UMOD: variants seen among roughly 807,000 people sequenced by gnomAD.
UMOD encodes the protein Tamm-Horsfall urinary glycoprotein.
In UMOD, 64 loss-of-function variants were observed where a neutral mutation model predicts 66.0. The ratio of observed to expected loss-of-function variants is 0.97; its 90% CI spans 0.79 to 1.19. The LOEUF (loss-of-function observed/expected upper bound fraction) is 1.19, where lower values mean the gene tolerates loss of function less well. UMOD is among the 50% of genes most tolerant of loss of function. UMOD has a pLI of 0.00. For missense variants in UMOD, 764 were observed against 850.9 expected (o/e 0.90, Z 1.27); for synonymous variants, 398 against 352.7 (o/e 1.13, Z -1.44).
chr16:20,340,974 A>G (rs1336531918), intron 7 of UMOD, 117 bp downstream of exon 7: 1 of 1,236,200 alleles, frequency 8.1e-7, no homozygotes, highest in East Asian at 2.6e-5. Context: ...AACCTTGGCG[A>G]CAGAGCAAGA....
Position 20,346,155 on chromosome 16 carries a change from G to T in UMOD, c.1153C>A (p.Arg385=). The T allele has an allele frequency of 6.2e-7, 1 of 1,614,070 alleles. No individual in the cohort carries two copies. Among genetic ancestry groups the T allele is most frequent in the East Asian group, 2.2e-5 (1 of 44,880 alleles). Residue 385 remains arginine, a synonymous_variant, in exon 5 of 11, where the codon CGG becomes AGG. Transcript: ENST00000396138. ...RDWVSVVTPA[R]DGPCGTVLTR... is the part of the protein sequence containing the mutation. ...AACACTGTCCCACAGGGGCCATCCCGGGCTGGGGTCACTACAGACACCCAG... is the reference window on the plus strand; with the variant it reads ...AACACTGTCCCACAGGGGCCATCCCTGGCTGGGGTCACTACAGACACCCAG...
chr16:20,343,987 A>T (rs201792712), intron 6 of UMOD, 37 bp downstream of exon 6: 372 of 1,611,966 alleles, frequency 2.3e-4, no homozygotes, highest in Non-Finnish European at 3.0e-4. Flanking sequence ...TGGGGTTAGA[A>T]CCATCTAGGG....
chr16:20,333,619 G>C (rs1964708222), intron 10 of UMOD, among the ~76,000 whole-genome samples: 1 of 152,186 alleles, frequency 6.6e-6, no homozygotes, highest in Non-Finnish European at 1.5e-5. Context: ...CTTGTGAAGT[G>C]CCCAATCTAT....
At position 20,345,398 on chromosome 16, in the gene UMOD, TTTTTTC is replaced by T. The variant is rs1168758350; in HGVS notation, c.1182+722_1182+727del. 4.5e-3 allele frequency among the ~76,000 whole-genome samples: 178 copies of T among 39,196 alleles called. 4 individuals carry two copies. The highest frequency in any genetic ancestry group is 0.034 in the Admixed American group (168 of 4,996). The allele number at this position is 39,196 out of a possible 152,430, so 25.7% of individuals were successfully genotyped here. A position where few individuals can be genotyped will look rare whatever the true frequency, so the allele number is the denominator to read the frequency against. On this transcript the variant is annotated intron_variant, in intron 5 of 10. Transcript: ENST00000396138. ...CTTCCTTCCTTCCTTTCTTTTCTTT[TTTTTTC>T]TTTCTTTCTTTCTTTCTTTCTTTCT... is the stretch of plus-strand genomic sequence containing the variant.
chr16:20,348,174 A>G (rs1324384050), intron 4 of UMOD, 49 bp downstream of exon 4: 1 of 1,507,558 alleles, frequency 6.6e-7, no homozygotes, highest in Non-Finnish European at 9.2e-7. Context: ...TCCCTCCCCC[A>G]GGCAGTGACA....
intron 7 of UMOD, among the ~76,000 whole-genome samples, chr16:20,339,445 G>A (rs1052817165): frequency 6.6e-6 from 1 of 152,172 alleles, no homozygotes; most frequent in Non-Finnish European, 1.5e-5. Flanking sequence ...AATAGAACAG[G>A]ACCATACAAT....
chr16:20,346,107 C>G lies in UMOD; in HGVS notation c.1182+19G>C, dbSNP rs758661209. 5 of 1,610,848 alleles carry G rather than the reference C, an allele frequency of 3.1e-6. No homozygotes were observed. The highest frequency in any genetic ancestry group is 2.2e-5 in the South Asian group (2 of 90,974). ...ACCAGGCAGTGCTCTGGTTCTGTCCCCCACTGGCCAGGACGTACCGTCAAC... is the reference window on the plus strand; with the variant it reads ...ACCAGGCAGTGCTCTGGTTCTGTCCGCCACTGGCCAGGACGTACCGTCAAC... On this transcript the variant is annotated intron_variant, in intron 5 of 10. Transcript: ENST00000396138.
At chr16:20,334,511 T>C (rs982676288) in intron 10 of UMOD, among the ~76,000 whole-genome samples, 1 of 152,150 alleles carries the variant, frequency 6.6e-6, no homozygotes, top group Non-Finnish European at 1.5e-5. Flanking sequence ...TACGTGACCT[T>C]GTGTGTGTGG....
chr16:20,335,458 A>C (rs963712725), intron 10 of UMOD, 24 bp downstream of exon 10: 3 of 1,612,620 alleles, frequency 1.9e-6, no homozygotes, highest in Non-Finnish European at 2.5e-6. Flanking sequence ...AACAGGTCCC[A>C]CTGCAGAAAG....
Position 20,348,799 on chromosome 16 carries a change from G to A in UMOD, c.502C>T (p.Leu168Phe), listed in dbSNP as rs747536510. Residue 168 changes from leucine (L) to phenylalanine (F), a missense_variant, in exon 3 of 11, where the codon CTC (leucine) becomes TTC (phenylalanine). By Grantham distance (22) the Leu-to-Phe change is conservative. Coordinates refer to ENST00000396138, the MANE Select transcript of UMOD (RefSeq NM_003361.4). ...GCCTGGCACGGATCCGCGCACACGA[G>A]CGCGTCGCCCTCGGGCACGCAGTCC... ...GLDCVPEGDA[L>F]VCADPCQAHR... is the part of the protein sequence containing the mutation. 6.5e-7 allele frequency: 1 copy of A among 1,544,712 alleles called. No individual in the cohort carries two copies. The highest frequency in any genetic ancestry group is 1.2e-5 in the South Asian group (1 of 83,980).
chr16:20,344,702 T>G (rs1045377517), intron 5 of UMOD, among the ~76,000 whole-genome samples: 8 of 151,396 alleles, frequency 5.3e-5, no homozygotes, highest in Non-Finnish European at 1.2e-4. Context: ...AAAAAAAAGT[T>G]ACAACAGCAA....
intron 1 of UMOD, among the ~76,000 whole-genome samples, chr16:20,351,882 G>A (rs950173798): frequency 6.6e-6 from 1 of 151,790 alleles, no homozygotes; most frequent in African/African-American, 2.4e-5. Flanking sequence ...GCCGGGCATG[G>A]TGGTGGGCGC....
chr16:20,346,396 CA>C lies in UMOD; in HGVS notation c.974-63del, dbSNP rs1187265266. 1.9e-6 allele frequency: 3 copies of C among 1,564,838 alleles called. No individual in the cohort carries two copies. The African/African-American group carries it at 4.1e-5, about 21-fold the overall frequency. On this transcript the variant is annotated intron_variant, in intron 4 of 10. Transcript: ENST00000396138. ...ATAGCTTGGGGGCCCAGCACATCCC[CA>C]GGGGCCAGGTCCAGCTGGCTGGGCT... is the stretch of plus-strand genomic sequence containing the variant.
At chr16:20,339,132 G>GA (rs1413317089) in intron 7 of UMOD, among the ~76,000 whole-genome samples, 1 of 152,200 alleles carries the variant, frequency 6.6e-6, no homozygotes, top group African/African-American at 2.4e-5. Context: ...TCTGAGAATA[G>GA]AAAAACCCAG....
chr16:20,333,840 C>A (rs1311319708), intron 10 of UMOD, among the ~76,000 whole-genome samples: 1 of 152,072 alleles, frequency 6.6e-6, no homozygotes, highest in Non-Finnish European at 1.5e-5. Context: ...TCAAGACCAG[C>A]CTGGCCACAC....
At chr16:20,334,565 G>C (rs148992560) in intron 10 of UMOD, among the ~76,000 whole-genome samples, 50 of 152,100 alleles carry the variant, frequency 3.3e-4, no homozygotes, top group Admixed American at 6.6e-4. Context: ...GATTATCTGG[G>C]CATGCCTGTG....
chr16:20,349,934 G>A (rs920756478), intron 2 of UMOD: 2 of 1,483,516 alleles, frequency 1.3e-6, no homozygotes, highest in East Asian at 2.5e-5. Context: ...ATTACTATAT[G>A]CCAGGCAATA....
chr16:20,342,103 A>T (rs1368880376), intron 6 of UMOD, among the ~76,000 whole-genome samples: 5 of 152,234 alleles, frequency 3.3e-5, no homozygotes, highest in South Asian at 4.1e-4. Context: ...CCAATACTTT[A>T]GGAGGCATAC....
intron 7 of UMOD, among the ~76,000 whole-genome samples, chr16:20,338,600 T>C (rs1257917960): frequency 6.6e-6 from 1 of 151,858 alleles, no homozygotes; most frequent in Non-Finnish European, 1.5e-5. Context: ...TTCAAGCAAT[T>C]CTCCTGTCTC....
Sources: gnomAD v4.1 joint callset for allele counts (sites outside exome capture counted in the v4.1 genomes callset) on GRCh38, gnomAD v4.1.1 for gene constraint, MANE v1.5 for transcripts, NCBI Gene and HGNC (gene_info 2026-07-23, HGNC 2026-07-21) for gene names.